MAP3K13: variants seen among roughly 807,000 people sequenced by gnomAD.
MAP3K13 encodes the protein mitogen-activated protein kinase kinase kinase 13, also known as leucine zipper-bearing kinase.
In MAP3K13, 52 loss-of-function variants were observed where a neutral mutation model predicts 104.0. The ratio of observed to expected loss-of-function variants is 0.50; its 90% confidence interval spans 0.40 to 0.63. The LOEUF is 0.63. Ranked by LOEUF, MAP3K13 falls within the 20% of genes least tolerant of loss-of-function variation. The pLI is 0.00. For missense variants in MAP3K13, 914 were observed against 1,218.5 expected (o/e 0.75, Z 3.72); for synonymous variants, 394 against 442.2 (o/e 0.89, Z 1.37).
intron 2 of MAP3K13, among the ~76,000 whole-genome samples, chr3:185,345,383 G>A (rs73052874): frequency 0.016 from 2,466 of 152,188 alleles, 75 homozygotes; most frequent in African/African-American, 0.056. Context: ...ACAGCATAGT[G>A]CAGGGGTCCC....
At chr3:185,352,923 G>A (rs1447750331) in intron 2 of MAP3K13, among the ~76,000 whole-genome samples, 1 of 152,176 alleles carries the variant, frequency 6.6e-6, no homozygotes, top group Non-Finnish European at 1.5e-5. Flanking sequence ...ATTCAGGGCA[G>A]GTTGCTGCTA....
intron 2 of MAP3K13, among the ~76,000 whole-genome samples, chr3:185,313,478 C>A (rs566815266): frequency 1.3e-5 from 2 of 151,914 alleles, no homozygotes; most frequent in African/African-American, 4.8e-5. Flanking sequence ...GCTGTGTTAG[C>A]CAGGATGGTC....
chr3:185,323,522 G>C (rs972974643), intron 2 of MAP3K13, among the ~76,000 whole-genome samples: 1 of 151,948 alleles, frequency 6.6e-6, no homozygotes, highest in Non-Finnish European at 1.5e-5. Flanking sequence ...TAGTAGAGAT[G>C]GGGTTTTTCA....
At position 185,443,511 on chromosome 3, in the gene MAP3K13, C is replaced by A; in HGVS notation, c.726C>A (p.Tyr242Ter). ...AATACTGTGCCCATGGACAACTCTA[C>A]GAGGTCTTACGAGCTGGCAGGAAGA... is the stretch of plus-strand genomic sequence containing the variant. ...IMEYCAHGQL[Y>*]EVLRAGRKIT... Residue 242 changes from tyrosine to a stop codon, truncating the protein, a stop_gained, in exon 4 of 14, where the codon TAC becomes TAA. Coordinates refer to ENST00000265026, the MANE Select transcript of MAP3K13 (RefSeq NM_004721.5). LOFTEE classifies it high-confidence loss of function. 1.9e-6 allele frequency: 3 copies of A among 1,614,060 alleles called. No individual in the cohort carries two copies. The highest frequency in any genetic ancestry group is 2.5e-6 in the Non-Finnish European group (3 of 1,179,972).
rs577635014 is a variant in MAP3K13 at position 185,287,802 on chromosome 3, G to A, written c.-86+2159G>A. On this transcript the variant is annotated intron_variant, in intron 2 of 14. Transcript: ENST00000424227. The stretch of plus-strand genomic sequence containing the variant: ...TGTAATCCTAGCACTTTGGGAGGCC[G>A]AGGCAGGCAAATCACCTGAGGTCGG... Among the ~76,000 whole-genome samples the A allele has an allele frequency of 5.3e-5, 8 of 152,226 alleles. 1 individual carries two copies. Among genetic ancestry groups the A allele is most frequent in the African/African-American group, 1.7e-4 (7 of 41,524 alleles).
chr3:185,480,471 G>T lies in MAP3K13; in HGVS notation c.2741G>T (p.Arg914Leu). 1 of 1,614,134 alleles carries T rather than the reference G, an allele frequency of 6.2e-7. No individual in the cohort carries two copies. Among genetic ancestry groups the T allele is most frequent in the Non-Finnish European group, 8.5e-7 (1 of 1,180,036 alleles). The change falls in exon 13 of 14, where the codon CGC becomes CTC. Residue 914 changes from arginine to leucine, a missense_variant. Physicochemically the swap from Arg to Leu is moderately radical, Grantham distance 102 (BLOSUM62 -2). Coordinates refer to ENST00000265026, the MANE Select transcript of MAP3K13 (RefSeq NM_004721.5). ...CTCTCTGACAAGGAGTGTGCCGTGC[G>T]CCGTGTGAAGACTCAGATGTCTCTG... The part of the protein sequence containing the change: ...DGLSDKECAV[R>L]RVKTQMSLGK...
intron 12 of MAP3K13, among the ~76,000 whole-genome samples, chr3:185,478,951 GA>G (rs1718294407): frequency 6.6e-6 from 1 of 151,776 alleles, no homozygotes; most frequent in African/African-American, 2.4e-5. Flanking sequence ...AATGGCAAAA[GA>G]AAAAGGAAGT....
chr3:185,373,142 G>A (rs1724239398), intron 1 of MAP3K13, among the ~76,000 whole-genome samples: 1 of 152,160 alleles, frequency 6.6e-6, no homozygotes, highest in South Asian at 2.1e-4. Context: ...TTATTCTTGG[G>A]TAGTGATAGC....
Position 185,468,747 on chromosome 3 carries a change from T to C in MAP3K13, c.1643+1784T>C, listed in dbSNP as rs62290231. The stretch of plus-strand genomic sequence containing the variant: ...TTGCTTTTACCTTCTGCCCCAACCA[T>C]CTAATGGTCAAGTTCTGAGAAACTT... On this transcript the variant is annotated intron_variant, in intron 10 of 13. Transcript: ENST00000265026. 5.9e-3 allele frequency among the ~76,000 whole-genome samples: 898 copies of C among 152,304 alleles called. 4 individuals carry two copies. Among genetic ancestry groups the C allele is most frequent in the Non-Finnish European group, 9.9e-3 (674 of 68,018 alleles).
intron 2 of MAP3K13, among the ~76,000 whole-genome samples, chr3:185,327,466 T>C (rs908416129): frequency 3.3e-5 from 5 of 151,872 alleles, no homozygotes; most frequent in Admixed American, 1.3e-4. Context: ...ATCCCCAGGA[T>C]AGTGAAGGGG....
At chr3:185,391,500 A>G (rs1327451549) in intron 1 of MAP3K13, among the ~76,000 whole-genome samples, 3 of 152,256 alleles carry the variant, frequency 2.0e-5, no homozygotes, top group Non-Finnish European at 4.4e-5. Context: ...GTTAATTTCA[A>G]AAACAAATAT....
Position 185,488,042 on chromosome 3 carries a change from T to C in MAP3K13, c.*5586T>C, listed in dbSNP as rs1166559567. ...CAATTGAAGGAACACCAATCACTGA[T>C]GGATCCCATTCCAAAATGTCTCTTC... On this transcript the variant is annotated 3_prime_UTR_variant, in exon 14 of 14. Transcript: ENST00000265026. 1.3e-5 allele frequency: 2 copies of C among 152,238 alleles called. No homozygotes were observed. Among genetic ancestry groups the C allele is most frequent in the African/African-American group, 2.4e-5 (1 of 41,462 alleles). The allele number at this position is 152,238 out of a possible 1,614,324, so 9.4% of individuals were successfully genotyped here. A position where few individuals can be genotyped will look rare whatever the true frequency, so the allele number is the denominator to read the frequency against.
chr3:185,285,675 A>G (rs968683540), intron 2 of MAP3K13: 3 of 1,521,450 alleles, frequency 2.0e-6, no homozygotes, highest in Admixed American at 3.9e-5. Context: ...ATGTTTGGTG[A>G]GATGGTAGAC....
intron 2 of MAP3K13, among the ~76,000 whole-genome samples, chr3:185,341,403 C>A (rs1479895606): frequency 1.3e-5 from 2 of 152,098 alleles, no homozygotes; most frequent in Non-Finnish European, 2.9e-5. Flanking sequence ...TTTCCCAAAG[C>A]CTTCAGCAGG....
chr3:185,430,473 C>T (rs1241642119), intron 2 of MAP3K13, among the ~76,000 whole-genome samples: 2 of 152,038 alleles, frequency 1.3e-5, no homozygotes, highest in African/African-American at 4.8e-5. Context: ...TCACGTAGGC[C>T]CCAGTGTCTG....
At chr3:185,447,973 A>G in intron 5 of MAP3K13, 26 bp downstream of exon 5, 1 of 1,591,068 alleles carries the variant, frequency 6.3e-7, no homozygotes, top group Non-Finnish European at 8.6e-7. Flanking sequence ...AGTTGTGCCA[A>G]CTAAAAAGCC....
Position 185,418,703 on chromosome 3 carries a change from C to G in MAP3K13, c.-85-9794C>G. ...GGTCGAATAGGAGCCTTGAATACAGCAGGCTAAGTGACATTTTTGCCAGAT... is the reference window on the plus strand; with the variant it reads ...GGTCGAATAGGAGCCTTGAATACAGGAGGCTAAGTGACATTTTTGCCAGAT... On this transcript the variant is annotated intron_variant, in intron 1 of 13. Transcript: ENST00000265026. This position sits in a 1 kb window ranked among gnomAD's most constrained non-coding sequence, Gnocchi z 4.5. The G allele has an allele frequency of 4.3e-6, 7 of 1,611,120 alleles. No homozygotes were observed. Among genetic ancestry groups the G allele is most frequent in the Non-Finnish European group, 5.9e-6 (7 of 1,177,982 alleles).
At position 185,437,457 on chromosome 3, in the gene MAP3K13, A is replaced by G. The variant is rs760272963; in HGVS notation, c.486A>G (p.Glu162=). 6 of 1,613,174 alleles carry G rather than the reference A, an allele frequency of 3.7e-6. No homozygotes were observed. The highest frequency in any genetic ancestry group is 5.1e-6 in the Non-Finnish European group (6 of 1,179,766). The change falls in exon 3 of 14, where the codon GAA becomes GAG. Residue 162 remains glutamate, a synonymous_variant. Coordinates refer to ENST00000265026, the MANE Select transcript of MAP3K13 (RefSeq NM_004721.5). ...DYKLQQQDTW[E]VPFEEISELQ... ...TGCTTGTGTGCCTAGATACTTGGGA[A>G]GTGCCATTTGAGGAGATCTCAGAGC...
At chr3:185,360,445 A>C (rs1490244724), upstream of MAP3K13, among the ~76,000 whole-genome samples, 1 of 152,162 alleles carries the variant, frequency 6.6e-6, no homozygotes, top group Non-Finnish European at 1.5e-5. Flanking sequence ...CTGCTTCTAA[A>C]ATGATAATGA....
Sources: allele counts gnomAD v4.1 joint callset (sites outside exome capture counted in the v4.1 genomes callset), GRCh38; gene constraint gnomAD v4.1.1; non-coding constraint Gnocchi (gnomAD v3.1); transcripts MANE v1.5; gene names NCBI Gene and HGNC (gene_info 2026-07-23, HGNC 2026-07-21).